Variants in PTP4A1 observed in about 807,000 individuals in gnomAD.
The protein encoded by PTP4A1 is protein tyrosine phosphatase 4A1, also known as protein tyrosine phosphatase type IVA 1.
In PTP4A1, 9 loss-of-function variants were observed where a neutral mutation model predicts 20.5. That is an observed-to-expected ratio of 0.44 (90% confidence interval 0.26 to 0.77). The LOEUF is 0.77. Ranked by LOEUF, PTP4A1 falls within the 30% of genes least tolerant of loss-of-function variation. The pLI, the probability that PTP4A1 is intolerant of heterozygous loss-of-function variation, is 0.19. For synonymous variants in PTP4A1, 78 were observed against 67.4 expected (o/e 1.16, Z -0.77); for missense variants, 137 against 218.8 (o/e 0.63, Z 2.36).
intron 3 of PTP4A1, among the ~76,000 whole-genome samples, chr6:63,564,249 C>G (rs1305716909): frequency 6.7e-6 from 1 of 149,892 alleles, no homozygotes; most frequent in Non-Finnish European, 1.5e-5. Flanking sequence ...GCACTCCAGC[C>G]TGGGTGACAG....
upstream of PTP4A1, chr6:63,572,363 G>A: frequency 3.3e-6 from 1 of 302,396 alleles, no homozygotes; most frequent in Non-Finnish European, 6.1e-6. Context: ...ACGTCCGGAG[G>A]GGGCGGGCCT....
In PTP4A1 at chr6:63,583,024, G is replaced by A. The variant is rs1002160639; in HGVS notation, c.*2850G>A. 1 of 152,050 alleles carries A rather than the reference G, an allele frequency of 6.6e-6. No individual in the cohort carries two copies. Among genetic ancestry groups the A allele is most frequent in the African/African-American group, 2.4e-5 (1 of 41,396 alleles). The allele number at this position is 152,050 out of a possible 1,614,324, so 9.4% of individuals were successfully genotyped here. A position where few individuals can be genotyped will look rare whatever the true frequency, so the allele number is the denominator to read the frequency against. ...CATATTCATCTGGTAAATATCTACT[G>A]TTTGCCAGGCATTTAAGAATATGGC... On this transcript the variant is annotated 3_prime_UTR_variant, in exon 6 of 6. Coordinates refer to ENST00000626021, the MANE Select transcript of PTP4A1 (RefSeq NM_003463.5).
intron 2 of PTP4A1, among the ~76,000 whole-genome samples, chr6:63,544,459 T>C (rs1042905440): frequency 1.3e-4 from 20 of 152,202 alleles, no homozygotes; most frequent in African/African-American, 4.8e-4. Context: ...TGCAGCACAA[T>C]TATCAAAATC....
chr6:63,564,055 AT>A (rs1031459968), intron 3 of PTP4A1, among the ~76,000 whole-genome samples: 1 of 152,178 alleles, frequency 6.6e-6, no homozygotes. Flanking sequence ...CAGGCGGATC[AT>A]TTGAGGTCAG....
intron 1 of PTP4A1, 150 bp downstream of exon 1, chr6:63,572,869 T>C: frequency 2.6e-6 from 1 of 389,094 alleles, no homozygotes; most frequent in Non-Finnish European, 4.5e-6. Context: ...GGGCGGGTTA[T>C]GGCCCTGTGG....
chr6:63,568,366 C>G (rs574270872), upstream of PTP4A1, among the ~76,000 whole-genome samples: 1 of 152,314 alleles, frequency 6.6e-6, no homozygotes, highest in African/African-American at 2.4e-5. Flanking sequence ...ATTGCTGTGT[C>G]TCACTGAGGG....
chr6:63,540,027 G>A (rs975892181), intron 2 of PTP4A1, among the ~76,000 whole-genome samples: 8 of 152,294 alleles, frequency 5.3e-5, no homozygotes, highest in African/African-American at 1.7e-4. Context: ...CAGCCATCCA[G>A]AAGACAATCT....
At chr6:63,572,331 C>T, upstream of PTP4A1, 1 of 258,478 alleles carries the variant, frequency 3.9e-6, no homozygotes, top group East Asian at 6.8e-5. Context: ...CGGTTCACAC[C>T]GGCGGCGGCC....
intron 2 of PTP4A1, among the ~76,000 whole-genome samples, chr6:63,546,128 T>C (rs1776171518): frequency 6.6e-6 from 1 of 152,174 alleles, no homozygotes; most frequent in African/African-American, 2.4e-5. Context: ...AATGTAGATT[T>C]TAAAATGTGG....
chr6:63,555,871 T>C (rs898452429), intron 3 of PTP4A1, among the ~76,000 whole-genome samples: 2 of 151,942 alleles, frequency 1.3e-5, no homozygotes, highest in Non-Finnish European at 2.9e-5. Context: ...TTTTTGCATT[T>C]TTAGTAGAGA....
chr6:63,558,175 T>C (rs909558897), intron 3 of PTP4A1, among the ~76,000 whole-genome samples: 1 of 152,138 alleles, frequency 6.6e-6, no homozygotes. Context: ...CGGCCACATA[T>C]GCATTTTTAA....
upstream of PTP4A1, among the ~76,000 whole-genome samples, chr6:63,516,784 A>G (rs1222807412): frequency 6.6e-6 from 1 of 152,220 alleles, no homozygotes; most frequent in Non-Finnish European, 1.5e-5. Flanking sequence ...AGAAAGGGGT[A>G]GGACTTCCTC....
exon 2 of PTP4A1, chr6:63,528,062 G>C (rs550422319): frequency 6.6e-6 from 1 of 152,330 alleles, no homozygotes; most frequent in African/African-American, 2.4e-5. Context: ...GGCTATGGGA[G>C]AAGGAAGGCA....
At chr6:63,522,502 G>GCTT in intron 1 of PTP4A1, among the ~76,000 whole-genome samples, 2 of 152,186 alleles carry the variant, frequency 1.3e-5, no homozygotes, top group Non-Finnish European at 2.9e-5. Context: ...CTGTATCCAT[G>GCTT]ACAAGCTTTA....
chr6:63,546,729 G>C (rs1779781), intron 2 of PTP4A1, among the ~76,000 whole-genome samples: 144,642 of 152,226 alleles, frequency 0.95, 68,821 homozygotes, highest in East Asian at 1. Context: ...TAGAGTACAA[G>C]CTTTCAGTTA....
upstream of PTP4A1, among the ~76,000 whole-genome samples, chr6:63,518,029 G>A (rs181953532): frequency 5.5e-3 from 837 of 152,044 alleles, 5 homozygotes; most frequent in African/African-American, 0.019. Context: ...GCAGGCGCCT[G>A]TAATCCCAGC....
At chr6:63,553,747 C>A (rs1343552196) in intron 3 of PTP4A1, among the ~76,000 whole-genome samples, 1 of 152,098 alleles carries the variant, frequency 6.6e-6, no homozygotes, top group East Asian at 1.9e-4. Context: ...TTAAAATTCA[C>A]TGAAGGATTG....
At chr6:63,516,961 G>T (rs1041196595), upstream of PTP4A1, among the ~76,000 whole-genome samples, 1 of 152,108 alleles carries the variant, frequency 6.6e-6, no homozygotes, top group African/African-American at 2.4e-5. Context: ...TGACTCTTCT[G>T]GATTTCTTGA....
intron 3 of PTP4A1, among the ~76,000 whole-genome samples, chr6:63,558,429 A>G (rs1776780813): frequency 6.6e-6 from 1 of 152,212 alleles, no homozygotes; most frequent in Admixed American, 6.5e-5. Context: ...AGCCAGTCAG[A>G]CAGAAAAGAA....
Sources: gnomAD v4.1 joint callset for allele counts (sites outside exome capture counted in the v4.1 genomes callset) on GRCh38, gnomAD v4.1.1 for gene constraint, MANE v1.5 for transcripts, NCBI Gene and HGNC (gene_info 2026-07-23, HGNC 2026-07-21) for gene names.